Variants in PTPRD observed in about 807,000 individuals in gnomAD.
PTPRD encodes receptor-type tyrosine-protein phosphatase delta.
In PTPRD, 34 loss-of-function variants were observed where a neutral mutation model predicts 214.5. That is an observed-to-expected ratio of 0.16 (90% CI 0.12 to 0.21). The LOEUF (loss-of-function observed/expected upper bound fraction) is 0.21, where lower values mean the gene tolerates loss of function less well. Among genes scored for constraint, PTPRD ranks in the 10% least tolerant of loss-of-function variants. The probability of loss-of-function intolerance (pLI) is 1.00; values close to 1 mark genes in which losing one functional copy is unlikely to be tolerated. For missense variants in PTPRD, 2,545 were observed against 2,398.7 expected (o/e 1.06, Z -1.27); for synonymous variants, 1,128 against 845.7 (o/e 1.33, Z -5.79).
At chr9:10,350,281 A>G (rs184568108) in intron 2 of PTPRD, among the ~76,000 whole-genome samples, 20 of 152,308 alleles carry the variant, frequency 1.3e-4, no homozygotes, top group African/African-American at 4.3e-4. Flanking sequence ...CAAGGGAACT[A>G]TAAGAAGAAA....
intron 11 of PTPRD, among the ~76,000 whole-genome samples, chr9:8,926,249 A>T (rs920773788): frequency 9.9e-5 from 15 of 152,054 alleles, no homozygotes; most frequent in African/African-American, 3.1e-4. Context: ...CTTATTTCAG[A>T]TGTTACCACC....
intron 5 of PTPRD, among the ~76,000 whole-genome samples, chr9:9,933,996 T>G (rs1237392752): frequency 6.8e-6 from 1 of 146,676 alleles, no homozygotes; most frequent in African/African-American, 2.7e-5. Context: ...CATAATGAAA[T>G]GAAGGCAGAA....
intron 11 of PTPRD, among the ~76,000 whole-genome samples, 169 bp from the exon 12 acceptor site, chr9:8,734,115 T>C (rs1221833280): frequency 6.6e-6 from 1 of 152,190 alleles, no homozygotes; most frequent in Non-Finnish European, 1.5e-5. Flanking sequence ...AGGAAATAAC[T>C]TGGTTTGTAA....
chr9:9,231,059 G>A (rs1156989384), intron 9 of PTPRD, among the ~76,000 whole-genome samples: 3 of 151,916 alleles, frequency 2.0e-5, no homozygotes, highest in Non-Finnish European at 2.9e-5. Flanking sequence ...CTGTCGGGGG[G>A]AGGGGGGAAT....
chr9:9,476,226 A>AT, intron 8 of PTPRD, among the ~76,000 whole-genome samples: 1 of 152,290 alleles, frequency 6.6e-6, no homozygotes, highest in East Asian at 1.9e-4. Flanking sequence ...TTCTTGATGT[A>AT]TAAACTCCTG....
At position 10,495,632 on chromosome 9, in the gene PTPRD, G is replaced by A. The variant is rs111468024; in HGVS notation, c.-600+116766C>T. ...TTATATAATTGAGCTAAAAATTTCA[G>A]TAAGGATAAAAGAGGAAAATATTCT... On this transcript the variant is annotated intron_variant, in intron 2 of 45. Coordinates refer to ENST00000381196, the MANE Select transcript of PTPRD (RefSeq NM_002839.4). Among the ~76,000 whole-genome samples the A allele has an allele frequency of 5.6e-3, 847 of 151,828 alleles. 6 individuals are homozygous for A. The highest frequency in any genetic ancestry group is 0.02 in the African/African-American group (817 of 41,494).
At position 8,480,394 on chromosome 9, in the gene PTPRD, T is replaced by A. The variant is rs188825911; in HGVS notation, c.3413+3725A>T. The stretch of plus-strand genomic sequence containing the variant: ...TAATAAGCCGGAGTTAGGAGCCTCG[T>A]CTACAGCCTCCCTTATCTATCTAAT... On this transcript the variant is annotated intron_variant, in intron 30 of 45. Transcript: ENST00000381196. 4.3e-3 allele frequency among the ~76,000 whole-genome samples: 655 copies of A among 152,304 alleles called. 5 individuals are homozygous for A. Among genetic ancestry groups the A allele is most frequent in the African/African-American group, 0.015 (628 of 41,562 alleles).
chr9:8,894,237 C>T lies in PTPRD; in HGVS notation c.-104+124460G>A, dbSNP rs1201222340. ...AGGTGTGGTAATGCGTGCCTGTAAT[C>T]CCAGCTACTCAGGAGGCTGAGGCAG... is the stretch of plus-strand genomic sequence containing the variant. On this transcript the variant is annotated intron_variant, in intron 11 of 45. Transcript: ENST00000381196. Among the ~76,000 whole-genome samples the T allele has an allele frequency of 3.3e-5, 5 of 151,424 alleles. No homozygotes were observed. In the East Asian group the frequency reaches 9.8e-4, roughly 30 times the overall value.
chr9:10,498,648 C>CA (rs1201497492), intron 2 of PTPRD, among the ~76,000 whole-genome samples: 8 of 150,122 alleles, frequency 5.3e-5, no homozygotes, highest in African/African-American at 1.5e-4. Flanking sequence ...GCCTGAGACA[C>CA]AAAAAAAAGG....
chr9:8,332,329 GC>G (rs1056896532), intron 43 of PTPRD, among the ~76,000 whole-genome samples: 2 of 152,064 alleles, frequency 1.3e-5, no homozygotes, highest in East Asian at 1.9e-4. Flanking sequence ...TAACCTGGAT[GC>G]CCCCCATGTC....
At chr9:8,394,196 C>T (rs1048380190) in intron 36 of PTPRD, among the ~76,000 whole-genome samples, 10 of 149,610 alleles carry the variant, frequency 6.7e-5, no homozygotes, top group Non-Finnish European at 1.3e-4. Context: ...AAAAAGCAAA[C>T]AAACACCCAA....
Position 9,349,157 on chromosome 9 carries a change from A to T in PTPRD, c.-203+48292T>A, listed in dbSNP as rs144556867. Reference sequence around the variant, plus strand: ...AGAAAAAATAATTCACTCGACGTAAATCTGATCATATCACTTCTCTGCTTA... The same window carrying T: ...AGAAAAAATAATTCACTCGACGTAATTCTGATCATATCACTTCTCTGCTTA... On this transcript the variant is annotated intron_variant, in intron 9 of 45. Coordinates refer to ENST00000381196, the MANE Select transcript of PTPRD (RefSeq NM_002839.4). Among the ~76,000 whole-genome samples, 370 of 152,256 alleles carry T rather than the reference A, an allele frequency of 2.4e-3. 1 individual carries two copies. The highest frequency in any genetic ancestry group is 8.6e-3 in the African/African-American group (357 of 41,574).
Position 9,868,945 on chromosome 9 carries a change from G to C in PTPRD, c.-368+69562C>G, listed in dbSNP as rs142517088. Among the ~76,000 whole-genome samples, 53 of 152,062 alleles carry C rather than the reference G, an allele frequency of 3.5e-4. 1 individual carries two copies. The East Asian group carries it at 9.7e-3, about 28-fold the overall frequency. ...TTCAACCATTGACAAGGAAAAAAAA[G>C]AATATTTGCAAATATACAAGGATTC... is the stretch of plus-strand genomic sequence containing the variant. On this transcript the variant is annotated intron_variant, in intron 5 of 45. Transcript: ENST00000381196.
intron 11 of PTPRD, among the ~76,000 whole-genome samples, chr9:8,820,170 G>A (rs1453792905): frequency 2.0e-5 from 3 of 151,988 alleles, no homozygotes; most frequent in African/African-American, 7.3e-5. Context: ...TAAAATATAT[G>A]CATATCTGTA....
chr9:9,753,094 A>T (rs1449370730), intron 6 of PTPRD, among the ~76,000 whole-genome samples: 3 of 151,946 alleles, frequency 2.0e-5, no homozygotes, highest in Admixed American at 1.3e-4. Context: ...AATACAACAA[A>T]CTTTGTTTCA....
chr9:10,358,584 T>C (rs1565516690), intron 2 of PTPRD, among the ~76,000 whole-genome samples: 1 of 151,956 alleles, frequency 6.6e-6, no homozygotes, highest in African/African-American at 2.4e-5. Context: ...ACATTCAAAA[T>C]AGCAAACTGT....
At chr9:9,955,509 T>G (rs969409084) in intron 4 of PTPRD, among the ~76,000 whole-genome samples, 1 of 146,288 alleles carries the variant, frequency 6.8e-6, no homozygotes, top group Non-Finnish European at 1.5e-5. Context: ...TTCGTTTTTT[T>G]TGTTTTGTTT....
chr9:8,502,559 A>G (rs1340783274), intron 23 of PTPRD, among the ~76,000 whole-genome samples: 1 of 152,146 alleles, frequency 6.6e-6, no homozygotes, highest in Non-Finnish European at 1.5e-5. Flanking sequence ...CAAAACCACT[A>G]GAATCTCATT....
intron 14 of PTPRD, among the ~76,000 whole-genome samples, chr9:8,622,829 T>C (rs750158328): frequency 1.1e-4 from 16 of 151,948 alleles, no homozygotes; most frequent in South Asian, 2.1e-4. Flanking sequence ...CTAAAACTTG[T>C]CATTCATTCA....
Sources: allele counts gnomAD v4.1 joint callset (sites outside exome capture counted in the v4.1 genomes callset), GRCh38; gene constraint gnomAD v4.1.1; transcripts MANE v1.5; gene names NCBI Gene and HGNC (gene_info 2026-07-23, HGNC 2026-07-21).